TMEM266: variants seen among roughly 807,000 people sequenced by gnomAD.
TMEM266 encodes transmembrane protein 266, also known as Hv1 related protein 1.
TMEM266 carries 33 observed loss-of-function variants against 50.5 expected under a neutral mutation model. The observed-to-expected ratio is 0.65, with a 90% CI of 0.50 to 0.87. The LOEUF (loss-of-function observed/expected upper bound fraction) is 0.87. TMEM266 is among the 40% of genes least tolerant of loss of function. The pLI, the probability that TMEM266 is intolerant of heterozygous loss-of-function variation, is 0.00. For missense variants in TMEM266, 655 were observed against 695.1 expected (o/e 0.94, Z 0.65); for synonymous variants, 310 against 292.3 (o/e 1.06, Z -0.62).
At chr15:76,167,088 T>G (rs1280276684) in intron 5 of TMEM266, among the ~76,000 whole-genome samples, 1 of 152,148 alleles carries the variant, frequency 6.6e-6, no homozygotes, top group Non-Finnish European at 1.5e-5. Flanking sequence ...AATTGAGAGT[T>G]CAGGATAGAT....
intron 1 of TMEM266, among the ~76,000 whole-genome samples, chr15:76,102,987 A>G (rs535014017): frequency 6.6e-6 from 1 of 152,184 alleles, no homozygotes; most frequent in African/African-American, 2.4e-5. Flanking sequence ...ATAGGAAGCC[A>G]TGGGAGGTGG....
chr15:76,106,227 C>T (rs1009568860), intron 1 of TMEM266, among the ~76,000 whole-genome samples: 6 of 152,100 alleles, frequency 3.9e-5, no homozygotes, highest in South Asian at 4.1e-4. Flanking sequence ...ATCAAAGATC[C>T]GCACTGAAGG....
intron 1 of TMEM266, among the ~76,000 whole-genome samples, chr15:76,086,542 G>T (rs137874565): frequency 6.6e-6 from 1 of 152,320 alleles, no homozygotes; most frequent in African/African-American, 2.4e-5. Flanking sequence ...TGTTAAAAAT[G>T]AAAGTACTCT....
At chr15:76,195,241 C>G (rs2038637094) in intron 9 of TMEM266, among the ~76,000 whole-genome samples, 1 of 152,202 alleles carries the variant, frequency 6.6e-6, no homozygotes, top group Non-Finnish European at 1.5e-5. Context: ...TGTGTCTCCC[C>G]TCTAAACTTA....
At position 76,192,048 on chromosome 15, in the gene TMEM266, C is replaced by T. The variant is rs748699853; in HGVS notation, c.849C>T (p.Ala283=). 1.2e-5 allele frequency: 18 copies of T among 1,539,176 alleles called. No individual in the cohort carries two copies. Among genetic ancestry groups the T allele is most frequent in the Non-Finnish European group, 1.3e-5 (15 of 1,149,694 alleles). The stretch of plus-strand genomic sequence containing the variant: ...CCGAGCGCGAAGCGGCGCTCCAGGC[C>T]CCGCACGTGCTCAGCCAGCCGCGCA... Residue 283 remains alanine, a synonymous_variant, in exon 9 of 11, where the codon GCC becomes GCT. Transcript: ENST00000388942.
intron 1 of TMEM266, among the ~76,000 whole-genome samples, chr15:76,084,381 A>G (rs959139496): frequency 7.2e-5 from 11 of 152,300 alleles, no homozygotes; most frequent in Non-Finnish European, 1.6e-4. Flanking sequence ...TAAGGAAGAC[A>G]ATGGCATTCT....
intron 3 of TMEM266, among the ~76,000 whole-genome samples, chr15:76,155,934 G>T (rs2037917283): frequency 6.6e-6 from 1 of 152,240 alleles, no homozygotes; most frequent in Non-Finnish European, 1.5e-5. Context: ...ACACGGAAGT[G>T]CAGTAATAAC....
At chr15:76,060,774 T>C (rs912757767) in intron 1 of TMEM266, among the ~76,000 whole-genome samples, 12 of 152,208 alleles carry the variant, frequency 7.9e-5, no homozygotes, top group African/African-American at 2.9e-4. Context: ...TAGCCACCTG[T>C]TGGAAGTCAG....
At chr15:76,077,667 T>C (rs979029115) in intron 1 of TMEM266, among the ~76,000 whole-genome samples, 7 of 152,024 alleles carry the variant, frequency 4.6e-5, no homozygotes, top group Non-Finnish European at 1.0e-4. Context: ...TGACCGTGGA[T>C]ACAGAGACTG....
Position 76,156,691 on chromosome 15 carries a change from A to G in TMEM266, c.315A>G (p.Val105=). 6.2e-7 allele frequency: 1 copy of G among 1,614,188 alleles called. No homozygotes were observed. The highest frequency in any genetic ancestry group is 1.3e-5 in the African/African-American group (1 of 75,066). The change falls in exon 4 of 11, where the codon GTA becomes GTG. Residue 105 remains valine (V), a synonymous_variant. Coordinates refer to ENST00000388942, the MANE Select transcript of TMEM266 (RefSeq NM_152335.3). Reference sequence around the variant, plus strand: ...GTGCAAGTCTCAACAGTTTCCTGGTAGCCTGTGTAATATTGGTGGTGATTC... The same window carrying G: ...GTGCAAGTCTCAACAGTTTCCTGGTGGCCTGTGTAATATTGGTGGTGATTC...
chr15:76,064,808 T>C (rs1385599753), intron 1 of TMEM266, among the ~76,000 whole-genome samples: 1 of 152,240 alleles, frequency 6.6e-6, no homozygotes, highest in East Asian at 1.9e-4. Flanking sequence ...CAGGCAGCTG[T>C]TCTCTAGATT....
At chr15:76,109,874 G>C (rs184452523) in intron 1 of TMEM266, among the ~76,000 whole-genome samples, 96 of 152,106 alleles carry the variant, frequency 6.3e-4, no homozygotes, top group African/African-American at 2.1e-3. Context: ...TACCCAGGCT[G>C]GTCTTGAACT....
chr15:76,119,492 C>T lies in TMEM266; in HGVS notation c.-96-14676C>T, dbSNP rs373398685. Among the ~76,000 whole-genome samples the T allele has an allele frequency of 1.3e-4, 19 of 151,552 alleles. No individual in the cohort carries two copies. In the East Asian group the frequency reaches 1.4e-3, roughly 11 times the overall value. On this transcript the variant is annotated intron_variant, in intron 1 of 10. Coordinates refer to ENST00000388942, the MANE Select transcript of TMEM266 (RefSeq NM_152335.3). The stretch of plus-strand genomic sequence containing the variant: ...TAGAAATATTGTGACGGGAGCCGGG[C>T]GCGGTGGCTCAGGCCTGTCATCCCA...
intron 1 of TMEM266, among the ~76,000 whole-genome samples, chr15:76,119,445 T>C (rs1301596085): frequency 6.7e-6 from 1 of 148,692 alleles, no homozygotes; most frequent in Non-Finnish European, 1.5e-5. Context: ...TCAGGGGGAC[T>C]AGCTGTTGCT....
At chr15:76,097,517 C>A (rs1279333826) in intron 1 of TMEM266, among the ~76,000 whole-genome samples, 1 of 152,022 alleles carries the variant, frequency 6.6e-6, no homozygotes, top group Non-Finnish European at 1.5e-5. Context: ...ACCTTTCTGG[C>A]TGCCCTTAAC....
At position 76,161,663 on chromosome 15, in the gene TMEM266, G is replaced by A. The variant is rs770993216; in HGVS notation, c.456+1495G>A. Reference sequence around the variant, plus strand: ...TGGGCCTGAGGCTCAGATGGAGGGGGCAGATCGCAGCACTGCCCTCCCAGA... The same window carrying A: ...TGGGCCTGAGGCTCAGATGGAGGGGACAGATCGCAGCACTGCCCTCCCAGA... On this transcript the variant is annotated intron_variant, in intron 5 of 10. Transcript: ENST00000388942. The surrounding 1 kb of genome is among the most constrained non-coding windows in gnomAD (Gnocchi z 4.1). Among the ~76,000 whole-genome samples the A allele has an allele frequency of 3.9e-5, 6 of 152,168 alleles. No individual in the cohort carries two copies. Among genetic ancestry groups the A allele is most frequent in the Non-Finnish European group, 8.8e-5 (6 of 68,022 alleles).
intron 1 of TMEM266, among the ~76,000 whole-genome samples, chr15:76,111,697 C>G (rs2037172748): frequency 6.6e-6 from 1 of 152,236 alleles, no homozygotes; most frequent in Non-Finnish European, 1.5e-5. Context: ...CATGCGCCAC[C>G]ATGCCCGGCC....
chr15:76,126,726 A>C (rs2037429507), intron 1 of TMEM266, among the ~76,000 whole-genome samples: 1 of 151,840 alleles, frequency 6.6e-6, no homozygotes, highest in Non-Finnish European at 1.5e-5. Flanking sequence ...ATGGGGTTTC[A>C]CCATGTTGGC....
chr15:76,116,703 C>T (rs2037251800), intron 1 of TMEM266, among the ~76,000 whole-genome samples: 1 of 152,142 alleles, frequency 6.6e-6, no homozygotes, highest in Non-Finnish European at 1.5e-5. Context: ...CAGGAAAAGT[C>T]TCATTCCAGA....
Sources: gnomAD v4.1 joint callset for allele counts (sites outside exome capture counted in the v4.1 genomes callset) on GRCh38, gnomAD v4.1.1 for gene constraint, Gnocchi (gnomAD v3.1) non-coding constraint, MANE v1.5 for transcripts, NCBI Gene and HGNC (gene_info 2026-07-23, HGNC 2026-07-21) for gene names.